SOX5: variants seen among roughly 807,000 people sequenced by gnomAD.
The protein encoded by SOX5 is transcription factor SOX-5.
SOX5 carries 9 observed loss-of-function variants against 92.0 expected under a neutral mutation model. That is an observed-to-expected ratio of 0.10 (90% CI 0.06 to 0.17). The LOEUF (loss-of-function observed/expected upper bound fraction) is 0.17. SOX5 is among the 10% of genes least tolerant of loss of function. SOX5 has a pLI of 1.00. For missense variants in SOX5, 642 were observed against 944.5 expected, an observed-to-expected ratio of 0.68 and a Z score of 4.20; for synonymous variants, 344 against 336.3, an observed-to-expected ratio of 1.02 and a Z score of -0.25.
At chr12:23,877,627 A>T (rs898420115) in intron 2 of SOX5, among the ~76,000 whole-genome samples, 3 of 152,150 alleles carry the variant, frequency 2.0e-5, no homozygotes, top group Non-Finnish European at 4.4e-5. Context: ...TGCAAGATTA[A>T]ACTGAACTAC....
chr12:23,916,850 G>A (rs1024530154), intron 1 of SOX5, among the ~76,000 whole-genome samples: 2 of 151,990 alleles, frequency 1.3e-5, no homozygotes, highest in African/African-American at 2.4e-5. Context: ...AACTCATCTG[G>A]TGATTACTGC....
chr12:23,561,426 A>G (rs1946174698), intron 11 of SOX5, among the ~76,000 whole-genome samples: 1 of 152,218 alleles, frequency 6.6e-6, no homozygotes, highest in Non-Finnish European at 1.5e-5. Flanking sequence ...GCATAAAGTC[A>G]TGTGTTAGAA....
intron 3 of SOX5, among the ~76,000 whole-genome samples, chr12:23,835,398 T>C (rs960798187): frequency 2.0e-5 from 3 of 151,890 alleles, no homozygotes; most frequent in African/African-American, 7.2e-5. Context: ...ATCTCTGTCT[T>C]GGTCTCTCTC....
At chr12:24,408,624 A>G (rs545408662) in intron 1 of SOX5, among the ~76,000 whole-genome samples, 1 of 152,334 alleles carries the variant, frequency 6.6e-6, no homozygotes, top group South Asian at 2.1e-4. Flanking sequence ...TATTATATAA[A>G]TGAAATCATA....
intron 1 of SOX5, among the ~76,000 whole-genome samples, chr12:24,437,338 T>G (rs1939639812): frequency 6.6e-6 from 1 of 152,180 alleles, no homozygotes; most frequent in Admixed American, 6.5e-5. Context: ...GATTAAAGAC[T>G]TAAATGTGAG....
intron 1 of SOX5, among the ~76,000 whole-genome samples, chr12:24,377,964 A>G (rs1239929726): frequency 6.6e-6 from 1 of 152,270 alleles, no homozygotes; most frequent in Non-Finnish European, 1.5e-5. Context: ...TAAATCGCAT[A>G]TGAGGTATTC....
chr12:23,621,971 G>C (rs529495517), intron 8 of SOX5, among the ~76,000 whole-genome samples: 2 of 152,226 alleles, frequency 1.3e-5, no homozygotes, highest in South Asian at 4.1e-4. Flanking sequence ...ATCAAGGAAA[G>C]ATAGATGGGA....
At chr12:24,514,331 G>C (rs1049462024) in intron 1 of SOX5, among the ~76,000 whole-genome samples, 1 of 152,078 alleles carries the variant, frequency 6.6e-6, no homozygotes, top group Admixed American at 6.6e-5. Flanking sequence ...CTAAAGATTT[G>C]TATGCATGCT....
chr12:24,104,640 T>A (rs1332529448), intron 4 of SOX5, among the ~76,000 whole-genome samples: 1 of 152,244 alleles, frequency 6.6e-6, no homozygotes, highest in Admixed American at 6.5e-5. Context: ...TATCTACTAT[T>A]CTGCTTTCCC....
chr12:23,986,519 T>A (rs1225674466), intron 4 of SOX5, among the ~76,000 whole-genome samples: 1 of 152,236 alleles, frequency 6.6e-6, no homozygotes, highest in Admixed American at 6.5e-5. Flanking sequence ...TGAGTCATAA[T>A]GTACTGTTAA....
intron 1 of SOX5, among the ~76,000 whole-genome samples, chr12:23,926,548 T>C (rs1939997517): frequency 6.6e-6 from 1 of 152,138 alleles, no homozygotes; most frequent in African/African-American, 2.4e-5. Context: ...TTATGGATTA[T>C]GTTTAGTAAA....
chr12:23,660,118 T>C (rs1358980682), intron 7 of SOX5, among the ~76,000 whole-genome samples: 1 of 152,218 alleles, frequency 6.6e-6, no homozygotes, highest in East Asian at 1.9e-4. Context: ...CTCATTCATG[T>C]ATGGCAGAGT....
chr12:24,348,456 C>A (rs1431788006), intron 2 of SOX5, among the ~76,000 whole-genome samples: 1 of 151,912 alleles, frequency 6.6e-6, no homozygotes, highest in East Asian at 1.9e-4. Context: ...GATCTTGGCT[C>A]ACTGTAACCC....
intron 1 of SOX5, among the ~76,000 whole-genome samples, chr12:24,427,872 C>A (rs1435263592): frequency 2.6e-5 from 4 of 152,050 alleles, no homozygotes; most frequent in African/African-American, 7.2e-5. Flanking sequence ...CATCAGGGGG[C>A]AAATTAAAAA....
At chr12:24,464,621 G>A (rs763289114) in intron 1 of SOX5, among the ~76,000 whole-genome samples, 1 of 152,168 alleles carries the variant, frequency 6.6e-6, no homozygotes, top group East Asian at 1.9e-4. Context: ...GATTACAGGC[G>A]TGAGCCACCG....
rs559905357 is a variant in SOX5 at position 24,211,504 on chromosome 12, C to A, written c.-2+1839G>T. Among the ~76,000 whole-genome samples, 4 of 152,220 alleles carry A rather than the reference C, an allele frequency of 2.6e-5. No homozygotes were observed. The East Asian group carries it at 7.7e-4, about 29-fold the overall frequency. On this transcript the variant is annotated intron_variant, in intron 4 of 4. Transcript: ENST00000446891. ...ACTCTATCAAAAACATTTTTAAGTT[C>A]TTGATTTCTTTGAATATTAGTATAA...
intron 1 of SOX5, among the ~76,000 whole-genome samples, chr12:24,470,584 C>T (rs1367549905): frequency 6.6e-6 from 1 of 152,106 alleles, no homozygotes; most frequent in Non-Finnish European, 1.5e-5. Context: ...GGGAAACACT[C>T]TCATTTTCAT....
intron 4 of SOX5, among the ~76,000 whole-genome samples, chr12:24,017,161 G>A (rs1953726220): frequency 6.6e-6 from 1 of 152,120 alleles, no homozygotes; most frequent in South Asian, 2.1e-4. Context: ...ATTGTTTGAG[G>A]AATTATTAAG....
chr12:24,363,596 T>C (rs543967677), intron 2 of SOX5, among the ~76,000 whole-genome samples: 5 of 152,270 alleles, frequency 3.3e-5, no homozygotes, highest in Admixed American at 2.6e-4. Flanking sequence ...AAAGTGCCTA[T>C]TGTGTATACA....
Sources: gnomAD v4.1 joint callset for allele counts (sites outside exome capture counted in the v4.1 genomes callset) on GRCh38, gnomAD v4.1.1 for gene constraint, MANE v1.5 for transcripts, NCBI Gene and HGNC (gene_info 2026-07-23, HGNC 2026-07-21) for gene names.